The following LAPTM4B variants were observed in gnomAD, a reference collection of about 807,000 sequenced individuals.
The protein encoded by LAPTM4B is lysosomal protein transmembrane 4 beta, also known as lysosomal-associated transmembrane protein 4B.
In LAPTM4B, 26 loss-of-function variants were observed where a neutral mutation model predicts 28.5. The ratio of observed to expected loss-of-function variants is 0.91; its 90% CI spans 0.67 to 1.27. The LOEUF (loss-of-function observed/expected upper bound fraction) is 1.27, where lower values mean the gene tolerates loss of function less well. Among genes scored for constraint, LAPTM4B ranks in the 50% most tolerant of loss-of-function variants. LAPTM4B has a pLI of 0.00. For missense variants in LAPTM4B, 288 were observed against 285.8 expected, an observed-to-expected ratio of 1.01 and a Z score of -0.06; for synonymous variants, 109 against 106.4, an observed-to-expected ratio of 1.02 and a Z score of -0.15.
At chr8:97,819,387 CTA>C in intron 5 of LAPTM4B, 149 bp downstream of exon 5, 1 of 589,500 alleles carries the variant, frequency 1.7e-6, no homozygotes, top group Non-Finnish European at 3.0e-6. Context: ...TTTATGCTGT[CTA>C]TGTTGGAGGT....
At chr8:97,784,382 T>C (rs886404096) in intron 1 of LAPTM4B, among the ~76,000 whole-genome samples, 3 of 152,222 alleles carry the variant, frequency 2.0e-5, no homozygotes, top group Admixed American at 2.0e-4. Flanking sequence ...TGGGGAACCA[T>C]TGAAGAATTA....
intron 2 of LAPTM4B, among the ~76,000 whole-genome samples, chr8:97,805,902 G>A (rs1728084220): frequency 6.6e-6 from 1 of 152,130 alleles, no homozygotes; most frequent in Admixed American, 6.5e-5. Flanking sequence ...CCAGTGAATG[G>A]AAATATGTAC....
Position 97,778,591 on chromosome 8 carries a change from G to GCC in LAPTM4B, c.99+2487_99+2488dup, listed in dbSNP as rs1442737669. On this transcript the variant is annotated intron_variant, in intron 1 of 6. Coordinates refer to ENST00000521545, the MANE Select transcript of LAPTM4B (RefSeq NM_018407.6). Reference sequence around the variant, plus strand: ...ATTCGCCCGGTTAATAGTACCCAGAGCCCCCGCGTTTGTGTCCGGTTGATA... The same window carrying GCC: ...ATTCGCCCGGTTAATAGTACCCAGAGCCCCCCCGCGTTTGTGTCCGGTTGATA... Among the ~76,000 whole-genome samples, 4 of 152,214 alleles carry GCC rather than the reference G, an allele frequency of 2.6e-5. No homozygotes were observed. The South Asian group carries it at 8.3e-4, about 32-fold the overall frequency.
At chr8:97,811,402 C>T (rs1362843754) in intron 2 of LAPTM4B, among the ~76,000 whole-genome samples, 1 of 152,022 alleles carries the variant, frequency 6.6e-6, no homozygotes, top group Non-Finnish European at 1.5e-5. Context: ...TTTCCAATGG[C>T]AGAATGGGCA....
intron 1 of LAPTM4B, among the ~76,000 whole-genome samples, chr8:97,792,858 G>T (rs953805827): frequency 1.3e-5 from 2 of 152,202 alleles, no homozygotes; most frequent in Admixed American, 1.3e-4. Flanking sequence ...GATTACAGGC[G>T]TGAGCCATTG....
intron 4 of LAPTM4B, among the ~76,000 whole-genome samples, chr8:97,817,080 A>G (rs1485744528): frequency 6.6e-6 from 1 of 152,200 alleles, no homozygotes; most frequent in Non-Finnish European, 1.5e-5. Context: ...TTGTGACCAT[A>G]TGAGTGAATA....
rs191563957 is a variant in LAPTM4B, at chr8:97,796,171, C to G, written c.100-9182C>G. Among the ~76,000 whole-genome samples, 907 of 152,314 alleles carry G rather than the reference C, an allele frequency of 6.0e-3. 6 individuals carry two copies. In the Middle Eastern group the frequency reaches 0.068, roughly 11 times the overall value. ...GGCCAGGCTGGTCTCCGATTCCTGA[C>G]CTCAAGTGATCTACCTGCCTCGAGC... On this transcript the variant is annotated intron_variant, in intron 1 of 6. Transcript: ENST00000521545.
At chr8:97,825,809 C>T (rs1173783522) in intron 6 of LAPTM4B, among the ~76,000 whole-genome samples, 4 of 152,274 alleles carry the variant, frequency 2.6e-5, no homozygotes, top group East Asian at 3.9e-4. Flanking sequence ...GTGTCTCTGT[C>T]GTCACTGCCT....
chr8:97,846,897 C>G (rs1441296155), intron 6 of LAPTM4B, among the ~76,000 whole-genome samples: 1 of 152,106 alleles, frequency 6.6e-6, no homozygotes, highest in East Asian at 1.9e-4. Context: ...GGATTTTTGC[C>G]TAGTTGGAAT....
At chr8:97,839,998 C>CTGTGG (rs1479811094) in intron 6 of LAPTM4B, among the ~76,000 whole-genome samples, 3 of 152,164 alleles carry the variant, frequency 2.0e-5, no homozygotes, top group African/African-American at 7.2e-5. Flanking sequence ...AGCCCATGTT[C>CTGTGG]TGTGGCAGCA....
At chr8:97,827,384 G>A (rs767802169) in intron 6 of LAPTM4B, among the ~76,000 whole-genome samples, 20 of 152,218 alleles carry the variant, frequency 1.3e-4, no homozygotes, top group Non-Finnish European at 2.2e-4. Context: ...CTGAACTCCT[G>A]GAGGTTCCTT....
Position 97,849,827 on chromosome 8 carries a change from C to A in LAPTM4B, c.604-1570C>A, listed in dbSNP as rs112123538. Among the ~76,000 whole-genome samples the A allele has an allele frequency of 1.6e-3, 240 of 151,744 alleles. 3 individuals carry two copies. Among genetic ancestry groups the A allele is most frequent in the Middle Eastern group, 6.8e-3 (2 of 292 alleles). Reference sequence around the variant, plus strand: ...CTCCACCCCCCTGCCCGCCTGCCCGCCCCCGGTTCCTGTGTGTTTCTGCAG... The same window carrying A: ...CTCCACCCCCCTGCCCGCCTGCCCGACCCCGGTTCCTGTGTGTTTCTGCAG... On this transcript the variant is annotated intron_variant, in intron 6 of 6. Coordinates refer to ENST00000521545, the MANE Select transcript of LAPTM4B (RefSeq NM_018407.6).
intron 6 of LAPTM4B, among the ~76,000 whole-genome samples, chr8:97,850,289 A>G (rs1368551281): frequency 6.6e-6 from 1 of 151,842 alleles, no homozygotes; most frequent in Non-Finnish European, 1.5e-5. Context: ...AAGGAACCAT[A>G]CAGGCTTTTC....
chr8:97,818,541 G>C (rs1816957163), intron 4 of LAPTM4B, among the ~76,000 whole-genome samples: 2 of 152,204 alleles, frequency 1.3e-5, no homozygotes, highest in South Asian at 4.1e-4. Flanking sequence ...GTTAAGCATT[G>C]TGGATGGTAG....
chr8:97,826,225 C>T lies in LAPTM4B; in HGVS notation c.603+1072C>T, dbSNP rs568230176. ...CACTGACAGTTTTCCTAAATGCTCA[C>T]CACACATTTCTTGAGTTCAATCAAA... On this transcript the variant is annotated intron_variant, in intron 6 of 6. Coordinates refer to ENST00000521545, the MANE Select transcript of LAPTM4B (RefSeq NM_018407.6). Among the ~76,000 whole-genome samples the T allele has an allele frequency of 1.1e-4, 17 of 152,290 alleles. 2 individuals are homozygous for T. In the South Asian group the frequency reaches 3.3e-3, roughly 30 times the overall value.
chr8:97,808,660 A>G (rs1167087858), intron 2 of LAPTM4B, among the ~76,000 whole-genome samples: 1 of 152,092 alleles, frequency 6.6e-6, no homozygotes, highest in Non-Finnish European at 1.5e-5. Context: ...AATGATGGAA[A>G]GTAATTACAG....
Position 97,825,168 on chromosome 8 carries a change from A to G in LAPTM4B, c.603+15A>G. On this transcript the variant is annotated intron_variant, in intron 6 of 6. Coordinates refer to ENST00000521545, the MANE Select transcript of LAPTM4B (RefSeq NM_018407.6). ...ATGACACTACGGTAGGTATGATGTC[A>G]CTTATGGTAGAGATCTCGCCCACAC... is the stretch of plus-strand genomic sequence containing the variant. The G allele has an allele frequency of 7.4e-7, 1 of 1,350,836 alleles. No individual in the cohort carries two copies. The highest frequency in any genetic ancestry group is 1.1e-6 in the Non-Finnish European group (1 of 943,364). 83.7% of individuals were successfully genotyped at this position (1,350,836 alleles called of 1,614,324 possible).
chr8:97,777,145 T>G (rs190268307), intron 1 of LAPTM4B, among the ~76,000 whole-genome samples: 2,369 of 129,962 alleles, frequency 0.018, 86 homozygotes, highest in African/African-American at 0.068. Flanking sequence ...AGGTTTTTTT[T>G]TTTTTTTTTT....
chr8:97,813,803 A>G (rs1563611604), intron 2 of LAPTM4B, among the ~76,000 whole-genome samples: 1 of 152,092 alleles, frequency 6.6e-6, no homozygotes, highest in East Asian at 1.9e-4. Flanking sequence ...TCCCCTCTAG[A>G]TCTCTGTCGA....
Sources: allele counts gnomAD v4.1 joint callset (sites outside exome capture counted in the v4.1 genomes callset), GRCh38; gene constraint gnomAD v4.1.1; transcripts MANE v1.5; gene names NCBI Gene and HGNC (gene_info 2026-07-23, HGNC 2026-07-21).